Variants in MED6 observed in about 807,000 individuals in gnomAD.
The protein encoded by MED6 is mediator complex subunit 6, also known as mediator of RNA polymerase II transcription subunit 6.
Under a neutral mutation model 37.5 loss-of-function variants are expected in MED6, and 33 were observed. The ratio of observed to expected loss-of-function variants is 0.88; its 90% CI spans 0.67 to 1.18. The LOEUF (loss-of-function observed/expected upper bound fraction) is 1.18, where lower values mean the gene tolerates loss of function less well. MED6 is among the 50% of genes most tolerant of loss of function. The pLI is 0.00. For missense variants in MED6, 235 were observed against 290.6 expected (o/e 0.81, Z 1.39); for synonymous variants, 94 against 93.6 (o/e 1.00, Z -0.02).
chr14:70,584,985 G>T, intron 7 of MED6, 42 bp from the exon 8 acceptor site: 1 of 1,592,236 alleles, frequency 6.3e-7, no homozygotes, highest in Non-Finnish European at 8.6e-7. Context: ...AGATATGGGT[G>T]GGGGGAATGA....
intron 5 of MED6, 131 bp from the exon 6 acceptor site, chr14:70,591,512 C>T: frequency 1.5e-6 from 1 of 684,708 alleles, no homozygotes; most frequent in Non-Finnish European, 2.4e-6. Context: ...AAAGATAATT[C>T]CCAAAATAAG....
intron 2 of MED6, among the ~76,000 whole-genome samples, chr14:70,596,996 A>C (rs1231889873): frequency 2.0e-5 from 3 of 152,232 alleles, no homozygotes; most frequent in Non-Finnish European, 4.4e-5. Context: ...CGTTTCAAAA[A>C]GGCAATCAAA....
At chr14:70,591,981 T>C (rs1884884004) in intron 5 of MED6, among the ~76,000 whole-genome samples, 1 of 152,220 alleles carries the variant, frequency 6.6e-6, no homozygotes, top group Non-Finnish European at 1.5e-5. Context: ...GGATTCCAGA[T>C]AAGTGTTACT....
At chr14:70,593,883 G>A (rs189933832) in intron 3 of MED6, among the ~76,000 whole-genome samples, 7 of 152,300 alleles carry the variant, frequency 4.6e-5, no homozygotes, top group Admixed American at 4.6e-4. Flanking sequence ...TTGTGCCCCA[G>A]TGCTGGGTCC....
At position 70,583,390 on chromosome 14, in the gene MED6, A is replaced by T. The variant is rs1323844138; in HGVS notation, c.*1423T>A. 6.6e-6 allele frequency: 1 copy of T among 152,216 alleles called. No individual in the cohort carries two copies. Among genetic ancestry groups the T allele is most frequent in the African/African-American group, 2.4e-5 (1 of 41,454 alleles). The allele number at this position is 152,216 out of a possible 1,614,324, so 9.4% of individuals were successfully genotyped here. A position where few individuals can be genotyped will look rare whatever the true frequency, so the allele number is the denominator to read the frequency against. On this transcript the variant is annotated 3_prime_UTR_variant, in exon 8 of 8. Coordinates refer to ENST00000256379, the MANE Select transcript of MED6 (RefSeq NM_005466.4). ...CCACTTTTGCTACTTAACACTAAAAACATAAATGACAAAATTCAGTGGTAG... is the reference window on the plus strand; with the variant it reads ...CCACTTTTGCTACTTAACACTAAAATCATAAATGACAAAATTCAGTGGTAG...
intron 2 of MED6, 151 bp from the exon 3 acceptor site, chr14:70,596,853 T>G: frequency 1.8e-6 from 1 of 554,620 alleles, no homozygotes; most frequent in Non-Finnish European, 3.1e-6. Flanking sequence ...TTGAGTAAAA[T>G]TGGCTGTTTT....
chr14:70,586,586 T>A (rs897105445), intron 6 of MED6, among the ~76,000 whole-genome samples: 2 of 152,188 alleles, frequency 1.3e-5, no homozygotes, highest in African/African-American at 2.4e-5. Context: ...CCTTATTACT[T>A]CCATATCATC....
chr14:70,592,731 G>T (rs755910140), intron 5 of MED6, 149 bp downstream of exon 5: 21 of 743,212 alleles, frequency 2.8e-5, no homozygotes, highest in Non-Finnish European at 4.5e-5. Flanking sequence ...ACCACATCTA[G>T]TTACATGAAT....
At chr14:70,590,390 G>T (rs572159322) in intron 6 of MED6, among the ~76,000 whole-genome samples, 19 of 152,242 alleles carry the variant, frequency 1.2e-4, no homozygotes, top group Middle Eastern at 3.4e-3. Flanking sequence ...TGGCTTTCCT[G>T]TCCTGAGTTC....
At chr14:70,588,432 T>C (rs1884773262) in intron 6 of MED6, among the ~76,000 whole-genome samples, 1 of 152,026 alleles carries the variant, frequency 6.6e-6, no homozygotes, top group Non-Finnish European at 1.5e-5. Context: ...ATGCCTATAA[T>C]CCCAGCACTT....
In MED6 at chr14:70,583,312, C is replaced by T. The variant is rs1378189235; in HGVS notation, c.*1501G>A. 1 of 152,144 alleles carries T rather than the reference C, an allele frequency of 6.6e-6. No individual in the cohort carries two copies. Among genetic ancestry groups the T allele is most frequent in the African/African-American group, 2.4e-5 (1 of 41,442 alleles). 9.4% of individuals were successfully genotyped at this position (152,144 alleles called of 1,614,324 possible). On this transcript the variant is annotated 3_prime_UTR_variant, in exon 8 of 8. Transcript: ENST00000256379. ...ACACAATACATAAAATTAGACATTT[C>T]ATAAAAGCAGAAAAAGATGAGAAAT...
chr14:70,596,876 G>A, intron 2 of MED6, 174 bp from the exon 3 acceptor site: 1 of 503,290 alleles, frequency 2.0e-6, no homozygotes, highest in Non-Finnish European at 3.5e-6. Flanking sequence ...CAGACAGGTG[G>A]CATATAGATA....
At chr14:70,591,945 G>A (rs1386203681) in intron 5 of MED6, 3 of 152,496 alleles carry the variant, frequency 2.0e-5, no homozygotes, top group East Asian at 1.9e-4. Flanking sequence ...GGAGGGAGGT[G>A]TATTGGGAAA....
intron 1 of MED6, 74 bp downstream of exon 1, chr14:70,600,542 T>G (rs978404324): frequency 2.6e-6 from 4 of 1,568,086 alleles, no homozygotes; most frequent in Middle Eastern, 1.7e-4. Context: ...AACCTAAACC[T>G]TGAAACCGCG....
chr14:70,591,560 C>T lies in MED6; in HGVS notation c.467-179G>A, dbSNP rs1415826493. The T allele has an allele frequency of 1.6e-5, 8 of 515,836 alleles. No individual in the cohort carries two copies. The South Asian group carries it at 2.0e-4, about 13-fold the overall frequency. The allele number at this position is 515,836 out of a possible 1,614,324, so 32.0% of individuals were successfully genotyped here. On this transcript the variant is annotated intron_variant, in intron 5 of 7. Transcript: ENST00000256379. Reference sequence around the variant, plus strand: ...CATATACAGAAGTGTTGTTAACTCTCCCTCTTAACTGAAGTTAAATTCTAA... The same window carrying T: ...CATATACAGAAGTGTTGTTAACTCTTCCTCTTAACTGAAGTTAAATTCTAA...
intron 6 of MED6, among the ~76,000 whole-genome samples, chr14:70,590,237 CA>C (rs1884828918): frequency 6.6e-6 from 1 of 152,182 alleles, no homozygotes; most frequent in Non-Finnish European, 1.5e-5. Flanking sequence ...ACTATGTACT[CA>C]CCAAATGAAT....
chr14:70,589,632 G>A (rs1884813459), intron 6 of MED6, among the ~76,000 whole-genome samples: 2 of 152,136 alleles, frequency 1.3e-5, no homozygotes, highest in African/African-American at 4.8e-5. Flanking sequence ...GCATCTGGAG[G>A]CCTGTTATGT....
chr14:70,591,243 T>C, intron 6 of MED6, 23 bp downstream of exon 6: 1 of 1,541,360 alleles, frequency 6.5e-7, no homozygotes, highest in Non-Finnish European at 8.9e-7. Context: ...CAAATCAAGA[T>C]TAACCACACA....
chr14:70,596,680 T>G lies in MED6; in HGVS notation c.205A>C (p.Ile69Leu). The change falls in exon 3 of 8, where the codon ATC (isoleucine) becomes CTC (leucine). Residue 69 changes from isoleucine (I) to leucine (L), a missense_variant. By Grantham distance (5) the Ile-to-Leu change is conservative (BLOSUM62 2). Coordinates refer to ENST00000256379, the MANE Select transcript of MED6 (RefSeq NM_005466.4). ...HLNQMVGIEY[I>L]LLHAQEPILF... ...ATGGGCTCTTGAGCATGCAAAAGGA[T>G]GTACTCGATTCCAACCATCTGACTG... The G allele has an allele frequency of 6.2e-7, 1 of 1,613,986 alleles. No homozygotes were observed. Among genetic ancestry groups the G allele is most frequent in the Non-Finnish European group, 8.5e-7 (1 of 1,179,880 alleles).
Sources: allele counts gnomAD v4.1 joint callset (sites outside exome capture counted in the v4.1 genomes callset), GRCh38; gene constraint gnomAD v4.1.1; transcripts MANE v1.5; gene names NCBI Gene and HGNC (gene_info 2026-07-23, HGNC 2026-07-21).